Variants in SPOCK3 observed in about 807,000 individuals in gnomAD.
The protein encoded by SPOCK3 is testican-3.
In SPOCK3, 30 loss-of-function variants were observed where a neutral mutation model predicts 56.6. That is an observed-to-expected ratio of 0.53 (90% CI 0.40 to 0.72). The LOEUF is 0.72. Among genes scored for constraint, SPOCK3 ranks in the 30% least tolerant of loss-of-function variants. The pLI is 0.00. For missense variants in SPOCK3, 527 were observed against 530.0 expected, an observed-to-expected ratio of 0.99 and a Z score of 0.06; for synonymous variants, 196 against 183.3, an observed-to-expected ratio of 1.07 and a Z score of -0.56.
At chr4:167,008,688 G>A (rs985409998) in intron 3 of SPOCK3, among the ~76,000 whole-genome samples, 3 of 152,122 alleles carry the variant, frequency 2.0e-5, no homozygotes, top group Middle Eastern at 3.4e-3. Context: ...GTCCTTTGCC[G>A]CAACATGGAT....
At chr4:167,055,574 C>A (rs1366026054) in intron 3 of SPOCK3, among the ~76,000 whole-genome samples, 2 of 152,164 alleles carry the variant, frequency 1.3e-5, no homozygotes, top group African/African-American at 2.4e-5. Flanking sequence ...CAGACAGCAC[C>A]TGGAAAATCG....
intron 2 of SPOCK3, among the ~76,000 whole-genome samples, chr4:167,221,758 C>T (rs1735938101): frequency 6.6e-6 from 1 of 152,112 alleles, no homozygotes; most frequent in Non-Finnish European, 1.5e-5. Flanking sequence ...TATCAACTCA[C>T]ATCCATTCAG....
At chr4:166,913,487 A>C (rs1293664534) in intron 4 of SPOCK3, among the ~76,000 whole-genome samples, 1 of 152,246 alleles carries the variant, frequency 6.6e-6, no homozygotes, top group Non-Finnish European at 1.5e-5. Flanking sequence ...TCATATAAAC[A>C]CATTTAATAT....
At chr4:166,892,189 C>T (rs1369612246) in intron 5 of SPOCK3, among the ~76,000 whole-genome samples, 1 of 151,920 alleles carries the variant, frequency 6.6e-6, no homozygotes, top group Non-Finnish European at 1.5e-5. Flanking sequence ...AAATATGTTT[C>T]AGCTTGTAGC....
chr4:166,961,893 T>C (rs1160190796), intron 4 of SPOCK3, among the ~76,000 whole-genome samples: 1 of 152,126 alleles, frequency 6.6e-6, no homozygotes, highest in Non-Finnish European at 1.5e-5. Flanking sequence ...GTCATTATCA[T>C]TCCTATTCCA....
chr4:166,938,257 A>C (rs1260779009), intron 4 of SPOCK3, among the ~76,000 whole-genome samples: 3 of 152,160 alleles, frequency 2.0e-5, no homozygotes, highest in African/African-American at 7.2e-5. Flanking sequence ...GCAGAGAAAA[A>C]CTATGGAAGG....
rs772945807 is a variant in SPOCK3 at position 166,737,536 on chromosome 4, G to C, written c.1063C>G (p.Gln355Glu). The C allele has an allele frequency of 4.3e-6, 7 of 1,612,956 alleles. No individual in the cohort carries two copies. Among genetic ancestry groups the C allele is most frequent in the Non-Finnish European group, 5.9e-6 (7 of 1,179,460 alleles). Reference sequence around the variant, plus strand: ...CCATATCTGTCAACACACCAGCACTGTCCAACACTGCCATGACATTGTGTT... The same window carrying C: ...CCATATCTGTCAACACACCAGCACTCTCCAACACTGCCATGACATTGTGTT... Reference protein sequence around the residue: ...KPTQCHGSVGQCWCVDRYGNE... With the variant: ...KPTQCHGSVGECWCVDRYGNE... The change falls in exon 10 of 11, where the codon CAG becomes GAG. Residue 355 changes from glutamine to glutamate, a missense_variant. Gln to Glu is a conservative substitution (Grantham distance 29). Coordinates refer to ENST00000357545, the MANE Select transcript of SPOCK3 (RefSeq NM_001040159.2).
chr4:166,965,029 G>C (rs1029561845), intron 4 of SPOCK3, among the ~76,000 whole-genome samples: 1 of 151,868 alleles, frequency 6.6e-6, no homozygotes, highest in Non-Finnish European at 1.5e-5. Flanking sequence ...AAGCCATTTT[G>C]AGCTCTTACA....
At chr4:166,791,960 A>T (rs937117585) in intron 7 of SPOCK3, among the ~76,000 whole-genome samples, 3 of 152,176 alleles carry the variant, frequency 2.0e-5, no homozygotes, top group African/African-American at 7.2e-5. Context: ...CTCTGAGGAG[A>T]CATTCCCTTT....
At chr4:166,857,487 C>T (rs1240370291) in intron 6 of SPOCK3, among the ~76,000 whole-genome samples, 1 of 152,196 alleles carries the variant, frequency 6.6e-6, no homozygotes, top group Non-Finnish European at 1.5e-5. Context: ...GTGAACTAGG[C>T]TTTCTTTTCA....
intron 3 of SPOCK3, among the ~76,000 whole-genome samples, chr4:167,020,816 A>T (rs1561128150): frequency 6.6e-6 from 1 of 152,060 alleles, no homozygotes; most frequent in Non-Finnish European, 1.5e-5. Flanking sequence ...AAAGAAGCTC[A>T]CCTCTAATAA....
intron 2 of SPOCK3, among the ~76,000 whole-genome samples, chr4:167,179,540 C>G (rs1006166287): frequency 6.6e-6 from 1 of 152,116 alleles, no homozygotes; most frequent in Non-Finnish European, 1.5e-5. Flanking sequence ...TTTATTCATT[C>G]ATAGATGTTC....
chr4:167,098,253 A>G (rs1194463528), intron 2 of SPOCK3, among the ~76,000 whole-genome samples: 2 of 152,030 alleles, frequency 1.3e-5, no homozygotes, highest in African/African-American at 2.4e-5. Flanking sequence ...TCAGAGATTT[A>G]CTATGAGAAC....
rs376888348 is a variant in SPOCK3, at chr4:167,208,641, C to T, written c.189+25344G>A. 1.1e-4 allele frequency among the ~76,000 whole-genome samples: 17 copies of T among 152,044 alleles called. No homozygotes were observed. In the East Asian group the frequency reaches 3.3e-3, roughly 29 times the overall value. On this transcript the variant is annotated intron_variant, in intron 2 of 10. Coordinates refer to ENST00000357545, the MANE Select transcript of SPOCK3 (RefSeq NM_001040159.2). ...CCATTACTCCTTGTTGAACTAAGCA[C>T]ATTTTTGATAACATATTTACCACCT...
chr4:167,077,009 C>A (rs1757248329), intron 2 of SPOCK3, among the ~76,000 whole-genome samples: 1 of 151,706 alleles, frequency 6.6e-6, no homozygotes. Context: ...TAAAACTATG[C>A]ATGGAATTGA....
intron 7 of SPOCK3, among the ~76,000 whole-genome samples, chr4:166,768,449 C>CT (rs1161973323): frequency 2.8e-4 from 42 of 152,046 alleles, no homozygotes; most frequent in African/African-American, 9.9e-4. Flanking sequence ...ACTTATGAAG[C>CT]TAGTTTGGCT....
At chr4:167,196,517 C>CA (rs1554051328) in intron 2 of SPOCK3, among the ~76,000 whole-genome samples, 2 of 147,530 alleles carry the variant, frequency 1.4e-5, no homozygotes, top group Admixed American at 1.4e-4. Context: ...TTCTTTCTTT[C>CA]TTTTTTTTTT....
At chr4:166,888,702 G>A (rs969659032) in intron 6 of SPOCK3, among the ~76,000 whole-genome samples, 2 of 151,934 alleles carry the variant, frequency 1.3e-5, no homozygotes, top group African/African-American at 4.8e-5. Flanking sequence ...TGTATACATG[G>A]GGTAGACATC....
At chr4:167,185,002 C>T (rs1731828039) in intron 2 of SPOCK3, among the ~76,000 whole-genome samples, 1 of 152,098 alleles carries the variant, frequency 6.6e-6, no homozygotes, top group Non-Finnish European at 1.5e-5. Flanking sequence ...TTCAAACAAA[C>T]AAGTTGGTTA....
Sources: gnomAD v4.1 joint callset for allele counts (sites outside exome capture counted in the v4.1 genomes callset) on GRCh38, gnomAD v4.1.1 for gene constraint, MANE v1.5 for transcripts, NCBI Gene and HGNC (gene_info 2026-07-23, HGNC 2026-07-21) for gene names.